Variants in RBFOX1 observed in about 807,000 individuals in gnomAD.
RBFOX1 encodes the protein RNA binding fox-1 homolog 1.
A neutral mutation model predicts 57.7 loss-of-function variants in RBFOX1; 8 were observed. That is an observed-to-expected ratio of 0.14 (90% CI 0.08 to 0.25). RBFOX1 has a LOEUF of 0.25. Among genes scored for constraint, RBFOX1 ranks in the 10% least tolerant of loss-of-function variants. The pLI, the probability that RBFOX1 is intolerant of heterozygous loss-of-function variation, is 1.00. For missense variants in RBFOX1, 611 were observed against 548.5 expected (o/e 1.11, Z -1.14); for synonymous variants, 326 against 222.4 (o/e 1.47, Z -4.15).
At chr16:7,465,138 T>G (rs1392171733) in intron 4 of RBFOX1, among the ~76,000 whole-genome samples, 2 of 152,168 alleles carry the variant, frequency 1.3e-5, no homozygotes, top group African/African-American at 4.8e-5. Context: ...GTCAGGGGCT[T>G]TGCATATTTT....
intron 1 of RBFOX1, among the ~76,000 whole-genome samples, chr16:6,175,771 G>C (rs962505386): frequency 3.9e-5 from 6 of 152,162 alleles, no homozygotes; most frequent in Non-Finnish European, 8.8e-5. Context: ...ACTGCACTTT[G>C]AGTAGCCAGA....
intron 3 of RBFOX1, among the ~76,000 whole-genome samples, chr16:6,843,331 A>G (rs1046348893): frequency 6.6e-6 from 1 of 151,952 alleles, no homozygotes; most frequent in African/African-American, 2.4e-5. Flanking sequence ...TAGAGAAAAC[A>G]CATATTCCAG....
chr16:5,826,930 C>T (rs1393922603), intron 3 of RBFOX1, among the ~76,000 whole-genome samples: 1 of 152,158 alleles, frequency 6.6e-6, no homozygotes, highest in African/African-American at 2.4e-5. Context: ...GCTAGAATAT[C>T]TTTGAAATAT....
intron 4 of RBFOX1, among the ~76,000 whole-genome samples, chr16:7,217,257 A>G (rs1197159349): frequency 6.8e-6 from 1 of 147,140 alleles, no homozygotes; most frequent in Non-Finnish European, 1.5e-5. Context: ...GCGTTCCACC[A>G]CAGCTGGCTA....
intron 3 of RBFOX1, among the ~76,000 whole-genome samples, chr16:6,952,272 G>C (rs986291042): frequency 6.6e-6 from 1 of 152,152 alleles, no homozygotes. Context: ...GGTTCTAAAA[G>C]AACAAACTTA....
chr16:7,708,984 T>G, intron 14 of RBFOX1, 72 bp from the exon 15 acceptor site: 2 of 1,434,156 alleles, frequency 1.4e-6, no homozygotes, highest in Admixed American at 3.4e-5. Flanking sequence ...TCTTGGTATT[T>G]TGGATTTTAT....
At chr16:5,288,152 A>G (rs1009283644) in intron 1 of RBFOX1, among the ~76,000 whole-genome samples, 2 of 152,202 alleles carry the variant, frequency 1.3e-5, no homozygotes, top group Non-Finnish European at 2.9e-5. Context: ...TTTATTTCCG[A>G]TCAATTTTGA....
At chr16:6,470,539 A>T (rs969505496) in intron 2 of RBFOX1, among the ~76,000 whole-genome samples, 2 of 152,216 alleles carry the variant, frequency 1.3e-5, no homozygotes, top group Non-Finnish European at 2.9e-5. Flanking sequence ...CTCTATGTGC[A>T]TGAATTCCAG....
At chr16:5,284,971 A>G (rs2063358079) in intron 1 of RBFOX1, among the ~76,000 whole-genome samples, 1 of 151,668 alleles carries the variant, frequency 6.6e-6, no homozygotes, top group Non-Finnish European at 1.5e-5. Context: ...TTATTTGGGA[A>G]TCTTTGAGCT....
rs569247322 is a variant in RBFOX1 at position 5,276,316 on chromosome 16, G to A, written c.219+36211G>A. ...AGGACTAATGTCCAGAATCTACAGG[G>A]AACTCTAATCAGCAAGAAAAAAATA... is the stretch of plus-strand genomic sequence containing the variant. On this transcript the variant is annotated intron_variant, in intron 1 of 2. Coordinates refer to the RBFOX1 transcript ENST00000585867. 1.1e-4 allele frequency among the ~76,000 whole-genome samples: 16 copies of A among 152,116 alleles called. No individual in the cohort carries two copies. The East Asian group carries it at 2.9e-3, about 28-fold the overall frequency.
Position 6,628,858 on chromosome 16 carries a change from G to T in RBFOX1, c.-63-25745G>T, listed in dbSNP as rs147316290. On this transcript the variant is annotated intron_variant, in intron 2 of 15. Transcript: ENST00000550418. ...AGCCTGACCAGTATGGTGAAACCCCGTGTCTACTGAAAATACAAAAAATTA... is the reference window on the plus strand; with the variant it reads ...AGCCTGACCAGTATGGTGAAACCCCTTGTCTACTGAAAATACAAAAAATTA... 2.5e-3 allele frequency among the ~76,000 whole-genome samples: 362 copies of T among 146,030 alleles called. 1 individual carries two copies. Among genetic ancestry groups the T allele is most frequent in the Non-Finnish European group, 4.3e-3 (282 of 65,044 alleles).
chr16:5,321,206 T>C (rs1228921453), intron 1 of RBFOX1, among the ~76,000 whole-genome samples: 1 of 152,142 alleles, frequency 6.6e-6, no homozygotes, highest in Non-Finnish European at 1.5e-5. Flanking sequence ...ATGCCAGTAA[T>C]ACCACCAACT....
Position 6,344,651 on chromosome 16 carries a change from C to T in RBFOX1, c.-64+27594C>T, listed in dbSNP as rs554597115. ...TGACCTCGTGATTTGCCTGCCTCGG[C>T]CTCCCAAAGTGCTGGGATTACAGGC... On this transcript the variant is annotated intron_variant, in intron 2 of 15. Coordinates refer to ENST00000550418, the MANE Select transcript of RBFOX1 (RefSeq NM_018723.4). 3.7e-4 allele frequency among the ~76,000 whole-genome samples: 56 copies of T among 150,096 alleles called. 1 individual carries two copies. The highest frequency in any genetic ancestry group is 1.2e-3 in the African/African-American group (50 of 40,794).
chr16:7,399,802 G>T (rs1377423822), intron 4 of RBFOX1, among the ~76,000 whole-genome samples: 1 of 152,184 alleles, frequency 6.6e-6, no homozygotes, highest in Non-Finnish European at 1.5e-5. Flanking sequence ...ACAGGCACGA[G>T]GGGTTAAGAC....
intron 2 of RBFOX1, among the ~76,000 whole-genome samples, chr16:6,582,405 G>C (rs2097548454): frequency 6.6e-6 from 1 of 150,706 alleles, no homozygotes; most frequent in African/African-American, 2.4e-5. Context: ...GCATTTTGGA[G>C]AAATATAATT....
chr16:5,347,667 C>A (rs1424343561), intron 1 of RBFOX1, among the ~76,000 whole-genome samples: 3 of 149,936 alleles, frequency 2.0e-5, no homozygotes, highest in African/African-American at 7.4e-5. Flanking sequence ...CATCCACCCA[C>A]CCTTTCACTC....
At chr16:6,137,725 C>T (rs892103654) in intron 1 of RBFOX1, among the ~76,000 whole-genome samples, 14 of 151,200 alleles carry the variant, frequency 9.3e-5, no homozygotes, top group Admixed American at 6.6e-4. Context: ...GTAATCCTGC[C>T]ACCTCAGCCT....
chr16:6,024,939 G>A (rs573917368), intron 1 of RBFOX1, among the ~76,000 whole-genome samples: 109 of 152,320 alleles, frequency 7.2e-4, no homozygotes, highest in African/African-American at 2.4e-3. Context: ...TGCATGGAGG[G>A]CGTTTCAGAG....
intron 4 of RBFOX1, among the ~76,000 whole-genome samples, chr16:5,974,873 T>G: frequency 6.6e-6 from 1 of 152,026 alleles, no homozygotes; most frequent in Non-Finnish European, 1.5e-5. Flanking sequence ...CCGGGCATGG[T>G]GGCACATGCC....
Sources: gnomAD v4.1 joint callset for allele counts (sites outside exome capture counted in the v4.1 genomes callset) on GRCh38, gnomAD v4.1.1 for gene constraint, MANE v1.5 for transcripts, NCBI Gene and HGNC (gene_info 2026-07-23, HGNC 2026-07-21) for gene names.